The following EDA variants were observed in gnomAD, a reference collection of about 807,000 sequenced individuals.
The protein encoded by EDA is ectodysplasin-A.
Under a neutral mutation model 23.6 loss-of-function variants are expected in EDA, and 2 were observed. That is an observed-to-expected ratio of 0.08 (90% CI 0.03 to 0.27). The LOEUF (loss-of-function observed/expected upper bound fraction) is 0.27, where lower values mean the gene tolerates loss of function less well. EDA is among the 10% of genes least tolerant of loss of function. The pLI is 1.00. For synonymous variants in EDA, 131 were observed against 132.0 expected (o/e 0.99, Z 0.05); for missense variants, 229 against 324.2 (o/e 0.71, Z 2.26).
intron 1 of EDA, among the ~76,000 whole-genome samples, chrX:69,684,296 C>T (rs759308972): frequency 9.3e-4 from 104 of 111,242 alleles, no homozygotes; most frequent in Non-Finnish European, 1.8e-3. Context: ...ACAGAAAAAC[C>T]GAAAAACAAA....
chrX:69,787,809 T>C (rs1176162082), intron 1 of EDA, among the ~76,000 whole-genome samples: 1 of 110,556 alleles, frequency 9.0e-6, no homozygotes, highest in African/African-American at 3.3e-5. Context: ...TGTGGCATTC[T>C]CTGTATTTCC....
At chrX:69,782,380 A>AC (rs1332508703) in intron 1 of EDA, among the ~76,000 whole-genome samples, 5 of 106,831 alleles carry the variant, frequency 4.7e-5, no homozygotes, top group African/African-American at 1.7e-4. Context: ...AAAAAAAAAA[A>AC]AAAAAAAAAA....
At chrX:70,028,617 G>T (rs754386807) in intron 4 of EDA, among the ~76,000 whole-genome samples, 2 of 112,416 alleles carry the variant, frequency 1.8e-5, no homozygotes, top group Non-Finnish European at 3.8e-5. Context: ...AGGCACCAAG[G>T]CTGTCCTGTC....
chrX:70,017,813 C>T (rs2019972440), intron 2 of EDA, among the ~76,000 whole-genome samples: 1 of 111,878 alleles, frequency 8.9e-6, no homozygotes, highest in East Asian at 2.8e-4. Context: ...CCCTCTCTCA[C>T]CACTCCCATT....
At chrX:70,025,165 A>G (rs984416815) in intron 3 of EDA, among the ~76,000 whole-genome samples, 2 of 111,450 alleles carry the variant, frequency 1.8e-5, no homozygotes, top group African/African-American at 6.5e-5. Context: ...TAACATTTTC[A>G]TAAGTGAACA....
intron 1 of EDA, among the ~76,000 whole-genome samples, chrX:69,777,245 T>A (rs191052207): frequency 1.9e-3 from 209 of 109,829 alleles, no homozygotes; most frequent in Non-Finnish European, 3.6e-3. Flanking sequence ...TCTATAGAGA[T>A]CTCTAGTGAA....
chrX:69,932,799 T>C lies in EDA; in HGVS notation c.397-24228T>C, dbSNP rs1351798777. The stretch of plus-strand genomic sequence containing the variant: ...TAACTGTTTCTGTTTAGTTCTTCTA[T>C]TGACTGCTTCCATATATACTGCTAT... On this transcript the variant is annotated intron_variant, in intron 1 of 7. Transcript: ENST00000374552. Among the ~76,000 whole-genome samples the C allele has an allele frequency of 5.4e-5, 6 of 111,960 alleles. No homozygotes were observed. The East Asian group carries it at 1.4e-3, about 26-fold the overall frequency.
intron 1 of EDA, among the ~76,000 whole-genome samples, chrX:69,840,622 G>GATAA (rs77790076): frequency 1.3e-4 from 15 of 111,439 alleles, no homozygotes; most frequent in African/African-American, 4.9e-4. Flanking sequence ...TTTTTGTTAA[G>GATAA]GGGAAAATAT....
At chrX:69,987,300 ATTTTTTTT>A (rs1276715288) in intron 2 of EDA, among the ~76,000 whole-genome samples, 2 of 83,010 alleles carry the variant, frequency 2.4e-5, no homozygotes, top group African/African-American at 1.1e-4. Context: ...AAAAAAAAAA[ATTTTTTTT>A]TTTAAAAATA....
intron 1 of EDA, among the ~76,000 whole-genome samples, chrX:69,746,674 G>A (rs147557886): frequency 0.026 from 2,853 of 111,112 alleles, 36 homozygotes; most frequent in Non-Finnish European, 0.035. Context: ...TCCTGCAAAC[G>A]CATGCAGGTA....
chrX:69,978,587 C>T (rs181576293), intron 2 of EDA, among the ~76,000 whole-genome samples: 1 of 109,411 alleles, frequency 9.1e-6, no homozygotes, highest in Non-Finnish European at 1.9e-5. Context: ...CCCATTTATA[C>T]AATTCAGTGG....
chrX:69,674,143 C>T, intron 1 of EDA, among the ~76,000 whole-genome samples: 1 of 107,152 alleles, frequency 9.3e-6, no homozygotes, highest in East Asian at 2.9e-4. Flanking sequence ...ATCTATCTAT[C>T]TATCATCATA....
intron 2 of EDA, among the ~76,000 whole-genome samples, chrX:69,991,818 C>T (rs770500259): frequency 2.0e-4 from 22 of 112,026 alleles, no homozygotes; most frequent in Non-Finnish European, 2.3e-4. Context: ...TGTTGGCAGA[C>T]GCCTGGCCTG....
At chrX:69,958,834 C>T (rs2019058728) in intron 2 of EDA, among the ~76,000 whole-genome samples, 1 of 111,225 alleles carries the variant, frequency 9.0e-6, no homozygotes, top group Admixed American at 9.6e-5. Context: ...TCTCCACCTT[C>T]AGCTTTTCCC....
chrX:69,868,731 C>A (rs2147605880), intron 1 of EDA, among the ~76,000 whole-genome samples: 1 of 112,176 alleles, frequency 8.9e-6, no homozygotes, highest in Non-Finnish European at 1.9e-5. Flanking sequence ...GCCGGCCTTG[C>A]CAGCTGAAGG....
chrX:69,769,240 A>G (rs1448776880), intron 1 of EDA, among the ~76,000 whole-genome samples: 2 of 111,714 alleles, frequency 1.8e-5, no homozygotes, highest in African/African-American at 6.5e-5. Context: ...TTTTCTGTCT[A>G]CTTATTTTAT....
chrX:69,734,834 T>G (rs2013188575), intron 1 of EDA, among the ~76,000 whole-genome samples: 1 of 111,648 alleles, frequency 9.0e-6, no homozygotes, highest in African/African-American at 3.3e-5. Flanking sequence ...TCACACCCAT[T>G]AGGATGATTA....
chrX:69,669,651 CT>C (rs1029063456), intron 1 of EDA, among the ~76,000 whole-genome samples: 1 of 111,072 alleles, frequency 9.0e-6, no homozygotes, highest in African/African-American at 3.3e-5. Context: ...TGTTAACCAT[CT>C]TTTTTTCTTT....
chrX:69,689,208 CT>C (rs1239861888), intron 1 of EDA, among the ~76,000 whole-genome samples: 30 of 107,554 alleles, frequency 2.8e-4, no homozygotes, highest in Admixed American at 4.9e-4. Flanking sequence ...AACTGTTCTT[CT>C]TTTTTTTTAT....
Sources: allele counts gnomAD v4.1 joint callset (sites outside exome capture counted in the v4.1 genomes callset), GRCh38; gene constraint gnomAD v4.1.1; transcripts MANE v1.5; gene names NCBI Gene and HGNC (gene_info 2026-07-23, HGNC 2026-07-21).